Variants in GRHL2 observed in about 807,000 individuals in gnomAD.
The protein encoded by GRHL2 is grainyhead-like protein 2 homolog.
A neutral mutation model predicts 83.8 loss-of-function variants in GRHL2; 21 were observed. The observed-to-expected ratio is 0.25, with a 90% CI of 0.18 to 0.36. The LOEUF (loss-of-function observed/expected upper bound fraction) is 0.36. GRHL2 is among the 10% of genes least tolerant of loss of function. The probability of loss-of-function intolerance (pLI) is 1.00; values close to 1 mark genes in which losing one functional copy is unlikely to be tolerated. For missense variants in GRHL2, 623 were observed against 781.8 expected (o/e 0.80, Z 2.42); for synonymous variants, 280 against 278.9 (o/e 1.00, Z -0.04).
intron 1 of GRHL2, among the ~76,000 whole-genome samples, chr8:101,499,165 T>C (rs1477923478): frequency 1.3e-5 from 2 of 152,162 alleles, no homozygotes; most frequent in African/African-American, 4.8e-5. Flanking sequence ...GAAGTGTTTG[T>C]TTCAAATGTA....
At chr8:101,664,319 T>G in intron 14 of GRHL2, 135 bp from the exon 15 acceptor site, 1 of 675,200 alleles carries the variant, frequency 1.5e-6, no homozygotes, top group South Asian at 1.6e-5. Context: ...ATGAGTGTTT[T>G]GAGAGTTCGA....
At chr8:101,649,549 T>G in intron 14 of GRHL2, 50 bp downstream of exon 14, 1 of 1,367,660 alleles carries the variant, frequency 7.3e-7, no homozygotes, top group Non-Finnish European at 1.0e-6. Context: ...GTGTTCTCTC[T>G]CCTCTGGAAT....
intron 13 of GRHL2, among the ~76,000 whole-genome samples, chr8:101,646,198 C>T (rs1055710679): frequency 6.6e-6 from 1 of 152,188 alleles, no homozygotes; most frequent in African/African-American, 2.4e-5. Flanking sequence ...ATTTCACAAA[C>T]TCACCATCAA....
intron 2 of GRHL2, among the ~76,000 whole-genome samples, chr8:101,549,509 C>T (rs1482551788): frequency 6.6e-6 from 1 of 152,160 alleles, no homozygotes; most frequent in Non-Finnish European, 1.5e-5. Context: ...AGGCTGGTGT[C>T]CAGGGGCAGG....
intron 7 of GRHL2, among the ~76,000 whole-genome samples, chr8:101,577,887 G>A (rs1270044397): frequency 6.6e-6 from 1 of 152,186 alleles, no homozygotes; most frequent in East Asian, 1.9e-4. Context: ...ACTCAAGCTC[G>A]TGTGACCCTA....
At chr8:101,588,585 G>A (rs1343535471) in intron 7 of GRHL2, among the ~76,000 whole-genome samples, 1 of 152,146 alleles carries the variant, frequency 6.6e-6, no homozygotes, top group Non-Finnish European at 1.5e-5. Flanking sequence ...GGGTAAGTGG[G>A]AAGCTTGAAA....
chr8:101,592,628 G>A (rs1298592448), intron 7 of GRHL2, among the ~76,000 whole-genome samples: 1 of 152,202 alleles, frequency 6.6e-6, no homozygotes, highest in African/African-American at 2.4e-5. Context: ...AGTGGACAGA[G>A]AATCTGCATT....
chr8:101,565,834 A>G (rs1000853238), intron 4 of GRHL2, among the ~76,000 whole-genome samples: 1 of 152,210 alleles, frequency 6.6e-6, no homozygotes, highest in African/African-American at 2.4e-5. Context: ...TGTGTATTTC[A>G]TAACTCAACT....
At chr8:101,522,950 C>G (rs1278444256) in intron 1 of GRHL2, among the ~76,000 whole-genome samples, 1 of 151,612 alleles carries the variant, frequency 6.6e-6, no homozygotes, top group Non-Finnish European at 1.5e-5. Context: ...CGCTCTGTCA[C>G]CCAGGCTGGA....
chr8:101,677,327 A>G, the GRHL2 span, among the ~76,000 whole-genome samples: 3 of 152,028 alleles, frequency 2.0e-5, no homozygotes, highest in Non-Finnish European at 4.4e-5. Flanking sequence ...CTGTTCTGCC[A>G]TGGGTTGTAG....
chr8:101,522,781 A>T lies in GRHL2; in HGVS notation c.21-20460A>T, dbSNP rs192729322. 3.2e-3 allele frequency among the ~76,000 whole-genome samples: 488 copies of T among 151,306 alleles called. 1 individual carries two copies. Among genetic ancestry groups the T allele is most frequent in the African/African-American group, 0.011 (462 of 41,362 alleles). On this transcript the variant is annotated intron_variant, in intron 1 of 15. Transcript: ENST00000646743. ...CACATATACATATATATATATAAAC[A>T]TCTATATCTGAGTTGTTTTGGAATT... is the stretch of plus-strand genomic sequence containing the variant.
chr8:101,503,866 G>A (rs755471743), intron 1 of GRHL2, among the ~76,000 whole-genome samples: 1 of 152,102 alleles, frequency 6.6e-6, no homozygotes, highest in Non-Finnish European at 1.5e-5. Flanking sequence ...AACACAAAAA[G>A]TTAACAGTGG....
chr8:101,579,838 CTT>C (rs1291626993), intron 7 of GRHL2, among the ~76,000 whole-genome samples: 7 of 152,170 alleles, frequency 4.6e-5, no homozygotes, highest in African/African-American at 9.7e-5. Context: ...TGAGGTCACT[CTT>C]TGTCTCCACT....
intron 11 of GRHL2, among the ~76,000 whole-genome samples, chr8:101,635,381 A>T (rs1468791843): frequency 1.3e-5 from 2 of 152,226 alleles, no homozygotes; most frequent in African/African-American, 4.8e-5. Context: ...CAAAGAAGGG[A>T]CAGTGATAGG....
chr8:101,493,687 C>A (rs1212326774), intron 1 of GRHL2, among the ~76,000 whole-genome samples: 1 of 152,050 alleles, frequency 6.6e-6, no homozygotes, highest in Non-Finnish European at 1.5e-5. Flanking sequence ...CTGCGTGGGG[C>A]GCGCCGAGCC....
At chr8:101,575,513 C>T (rs892991193) in intron 6 of GRHL2, among the ~76,000 whole-genome samples, 3 of 152,160 alleles carry the variant, frequency 2.0e-5, no homozygotes, top group African/African-American at 7.2e-5. Context: ...CTCTTTCTTA[C>T]TCCCCGGCTC....
At position 101,667,341 on chromosome 8, in the gene GRHL2, A is replaced by G. The variant is rs979611042; in HGVS notation, c.*638A>G. On this transcript the variant is annotated 3_prime_UTR_variant, in exon 16 of 16. Coordinates refer to ENST00000646743, the MANE Select transcript of GRHL2 (RefSeq NM_024915.4). ...GAAAGTCTGCCTGTCTGCATTGTAC[A>G]TAGTGTTTATAATATTGTAATAATA... The G allele has an allele frequency of 1.2e-5, 2 of 163,422 alleles. No individual in the cohort carries two copies. The highest frequency in any genetic ancestry group is 2.4e-5 in the African/African-American group (1 of 41,762). The allele number at this position is 163,422 out of a possible 1,614,324, so 10.1% of individuals were successfully genotyped here. A position where few individuals can be genotyped will look rare whatever the true frequency, so the allele number is the denominator to read the frequency against.
rs542484489 is a variant in GRHL2, at chr8:101,499,441, GT to G, written c.20+6661del. On this transcript the variant is annotated intron_variant, in intron 1 of 15. Transcript: ENST00000646743. ...TTGTCTCCCTAATGTCACTTTCCTG[GT>G]TTTTTTTTCCTCCCATATTAACTTG... 9.0e-4 allele frequency among the ~76,000 whole-genome samples: 134 copies of G among 149,172 alleles called. 1 individual carries two copies. Among genetic ancestry groups the G allele is most frequent in the Admixed American group, 6.0e-3 (91 of 15,170 alleles).
At chr8:101,556,941 G>C (rs1458693729) in intron 3 of GRHL2, among the ~76,000 whole-genome samples, 2 of 151,786 alleles carry the variant, frequency 1.3e-5, no homozygotes. Context: ...TTTCAAACAC[G>C]TACAGAAGTA....
Sources: gnomAD v4.1 joint callset for allele counts (sites outside exome capture counted in the v4.1 genomes callset) on GRCh38, gnomAD v4.1.1 for gene constraint, MANE v1.5 for transcripts, NCBI Gene and HGNC (gene_info 2026-07-23, HGNC 2026-07-21) for gene names.